The following EIF4G2 variants were observed in gnomAD, a reference collection of about 807,000 sequenced individuals.
EIF4G2 encodes the protein DAP-5.
Under a neutral mutation model 117.7 loss-of-function variants are expected in EIF4G2, and 8 were observed. That is an observed-to-expected ratio of 0.07 (90% confidence interval 0.04 to 0.12). The LOEUF (loss-of-function observed/expected upper bound fraction) is 0.12. Among genes scored for constraint, EIF4G2 ranks in the 10% least tolerant of loss-of-function variants. The pLI is 1.00. For missense variants in EIF4G2, 812 were observed against 1,086.2 expected (o/e 0.75, Z 3.55); for synonymous variants, 413 against 367.8 (o/e 1.12, Z -1.41).
At chr11:10,801,481 CAT>C (rs1441240213) in intron 14 of EIF4G2, 178 bp downstream of exon 14, 2 of 767,546 alleles carry the variant, frequency 2.6e-6, no homozygotes, top group Non-Finnish European at 4.6e-6. Flanking sequence ...CCTCATATCT[CAT>C]AATCTTCGCT....
chr11:10,800,487 G>C lies in EIF4G2; in HGVS notation c.1805C>G (p.Ser602Cys). ...TTCCTGTTTGAGTAAACTGATCAAAGAACTTGCTTTTTCTTTATCTTCATC... is the reference window on the plus strand; with the variant it reads ...TTCCTGTTTGAGTAAACTGATCAAACAACTTGCTTTTTCTTTATCTTCATC... The change falls in exon 17 of 22, where the codon TCT becomes TGT. Residue 602 changes from serine to cysteine, a missense_variant. This residue lies in a region of EIF4G2 where 571 missense variants were observed against 642.3 expected (regional missense o/e 0.89). Transcript: ENST00000339995. 6.2e-7 allele frequency: 1 copy of C among 1,614,126 alleles called. No individual in the cohort carries two copies. The highest frequency in any genetic ancestry group is 8.5e-7 in the Non-Finnish European group (1 of 1,180,016).
rs145064111 is a variant in EIF4G2, at chr11:10,800,992, T to C, written c.1509A>G (p.Pro503=). ...CCAGAGGTGGTGTTTGAGTGCGTGG[T>C]GGTTGTGCACTAGGAGGAATCATAG... The change falls in exon 15 of 22, where the codon CCA becomes CCG. Residue 503 remains proline (P), a synonymous_variant. Coordinates refer to ENST00000339995, the MANE Select transcript of EIF4G2 (RefSeq NM_001418.4). The C allele has an allele frequency of 1.2e-4, 186 of 1,614,212 alleles. 1 individual carries two copies. In the African/African-American group the frequency reaches 2.2e-3, roughly 19 times the overall value.
chr11:10,808,625 T>G (rs992898774), intron 1 of EIF4G2, 80 bp downstream of exon 1: 9 of 524,074 alleles, frequency 1.7e-5, no homozygotes, highest in Non-Finnish European at 2.4e-5. Context: ...GCCGCCATTT[T>G]GTACCACTCG....
Position 10,797,897 on chromosome 11 carries a change from T to C in EIF4G2, c.2659-16A>G. The C allele has an allele frequency of 6.2e-7, 1 of 1,611,818 alleles. No individual in the cohort carries two copies. The highest frequency in any genetic ancestry group is 8.5e-7 in the Non-Finnish European group (1 of 1,178,808). On this transcript the variant is annotated splice_polypyrimidine_tract_variant and intron_variant, in intron 21 of 21. Coordinates refer to ENST00000339995, the MANE Select transcript of EIF4G2 (RefSeq NM_001418.4). This position sits in a 1 kb window ranked among gnomAD's most constrained non-coding sequence, Gnocchi z 4.5. ...ACTGATTCACCTATAAATTAAGATTTGTAAATTAAAATAGTTCATGATATA... is the reference window on the plus strand; with the variant it reads ...ACTGATTCACCTATAAATTAAGATTCGTAAATTAAAATAGTTCATGATATA...
rs746946160 is a variant in EIF4G2, at chr11:10,807,345, G to A, written c.-50C>T. On this transcript the variant is annotated 5_prime_UTR_variant, in exon 2 of 22. Coordinates refer to ENST00000339995, the MANE Select transcript of EIF4G2 (RefSeq NM_001418.4). Reference sequence around the variant, plus strand: ...CTTCAAAAGAATAATATTAATAGATGGGGTGGGGAGGGGAGGGGACAGGAG... The same window carrying A: ...CTTCAAAAGAATAATATTAATAGATAGGGTGGGGAGGGGAGGGGACAGGAG... 5.6e-6 allele frequency: 9 copies of A among 1,611,088 alleles called. No homozygotes were observed. Among genetic ancestry groups the A allele is most frequent in the South Asian group, 3.3e-5 (3 of 90,698 alleles).
chr11:10,808,155 TC>T (rs567780427), intron 1 of EIF4G2: 11 of 1,096,676 alleles, frequency 1.0e-5, no homozygotes, highest in African/African-American at 1.7e-5. Flanking sequence ...GCACCATAAA[TC>T]CCCCCGGGAC....
Position 10,801,839 on chromosome 11 carries a change from A to G in EIF4G2, c.1300-65T>C. ...GGTCCACAAATTATGGTAATCAAGTACCAAAGGGATGAGCCAAGCCATAAA... is the reference window on the plus strand; with the variant it reads ...GGTCCACAAATTATGGTAATCAAGTGCCAAAGGGATGAGCCAAGCCATAAA... On this transcript the variant is annotated intron_variant, in intron 13 of 21. Transcript: ENST00000339995. 2 of 1,481,058 alleles carry G rather than the reference A, an allele frequency of 1.4e-6. 1 individual carries two copies. The highest frequency in any genetic ancestry group is 2.4e-5 in the South Asian group (2 of 84,468). 91.7% of individuals were successfully genotyped at this position (1,481,058 alleles called of 1,614,324 possible).
chr11:10,806,888 AT>A lies in EIF4G2; in HGVS notation c.42-4del, dbSNP rs1564985624. On this transcript the variant is annotated splice_polypyrimidine_tract_variant and splice_region_variant and intron_variant, in intron 2 of 21. Transcript: ENST00000339995. ...TTCCTCCTCCGCCCGAAGAAGCACT[AT>A]TTAAAAGAAAAAAATTGTTTACTGT... is the stretch of plus-strand genomic sequence containing the variant. The A allele has an allele frequency of 2.5e-6, 4 of 1,613,980 alleles. No individual in the cohort carries two copies. In the East Asian group the frequency reaches 8.9e-5, roughly 36 times the overall value.
chr11:10,807,935 T>G (rs1361404432), intron 1 of EIF4G2: 1 of 1,012,564 alleles, frequency 9.9e-7, no homozygotes, highest in East Asian at 1.1e-4. Context: ...CCGCCCCGTT[T>G]TTCCCTTCCT....
At chr11:10,807,775 C>A (rs1847626763) in intron 1 of EIF4G2, 4 of 991,398 alleles carry the variant, frequency 4.0e-6, no homozygotes, top group South Asian at 8.9e-5. Context: ...GATGAGGTCT[C>A]TCCGAAAGCT....
rs1413432288 is a variant in EIF4G2 at position 10,797,563 on chromosome 11, T to C, written c.*253A>G. ...TAGACTGCCTCTGCTTGAGAACTTA[T>C]GATGTAATTATTGCATGCTGCTAAT... On this transcript the variant is annotated 3_prime_UTR_variant, in exon 22 of 22. Transcript: ENST00000339995. This position sits in a 1 kb window ranked among gnomAD's most constrained non-coding sequence, Gnocchi z 4.5. 5 of 447,486 alleles carry C rather than the reference T, an allele frequency of 1.1e-5. No individual in the cohort carries two copies. Among genetic ancestry groups the C allele is most frequent in the Non-Finnish European group, 1.6e-5 (4 of 249,876 alleles). The allele number at this position is 447,486 out of a possible 1,614,324, so 27.7% of individuals were successfully genotyped here. A position where few individuals can be genotyped will look rare whatever the true frequency, so the allele number is the denominator to read the frequency against.
intron 16 of EIF4G2, 34 bp from the exon 17 acceptor site, chr11:10,800,681 C>G: frequency 1.2e-6 from 2 of 1,613,504 alleles, no homozygotes; most frequent in Non-Finnish European, 1.7e-6. Context: ...AATGTATTCT[C>G]TATCTCAAAT....
chr11:10,808,098 G>A (rs1263678864), intron 1 of EIF4G2: 2 of 1,057,538 alleles, frequency 1.9e-6, no homozygotes, highest in African/African-American at 1.7e-5. Context: ...CTCCAAGCAG[G>A]AAGGCGGCCT....
At chr11:10,805,379 G>A (rs931966706) in intron 4 of EIF4G2, among the ~76,000 whole-genome samples, 1 of 152,118 alleles carries the variant, frequency 6.6e-6, no homozygotes, top group East Asian at 1.9e-4. Context: ...AGCATGACAG[G>A]ATTATGGATT....
Position 10,803,318 on chromosome 11 carries a change from T to A in EIF4G2, c.814-24A>T, listed in dbSNP as rs747344562. On this transcript the variant is annotated intron_variant, in intron 9 of 21. Transcript: ENST00000339995. The surrounding 1 kb of genome is among the most constrained non-coding windows in gnomAD (Gnocchi z 4.0). Reference sequence around the variant, plus strand: ...GACTGATAAGAGAAGAATACATTCATTGGAAGAGCTAAAGCAAATGTGTTC... The same window carrying A: ...GACTGATAAGAGAAGAATACATTCAATGGAAGAGCTAAAGCAAATGTGTTC... 29 of 1,608,528 alleles carry A rather than the reference T, an allele frequency of 1.8e-5. No individual in the cohort carries two copies. The highest frequency in any genetic ancestry group is 2.3e-5 in the Non-Finnish European group (27 of 1,177,536).
In EIF4G2 at chr11:10,806,056, T is replaced by TAAA. The variant is rs1564985093; in HGVS notation, c.108-12_108-10dup. On this transcript the variant is annotated splice_polypyrimidine_tract_variant and intron_variant, in intron 3 of 21. Transcript: ENST00000339995. ...TTTTCCCCAGGAACTCGCTGATTAA[T>TAAA]AAAAATCAGCAAAAACACTTATTGT... 1 of 1,614,132 alleles carries TAAA rather than the reference T, an allele frequency of 6.2e-7. No individual in the cohort carries two copies. Among genetic ancestry groups the TAAA allele is most frequent in the Non-Finnish European group, 8.5e-7 (1 of 1,179,986 alleles).
chr11:10,800,925 A>G (rs182687614), intron 15 of EIF4G2, 37 bp downstream of exon 15: 124 of 1,612,650 alleles, frequency 7.7e-5, no homozygotes, highest in Middle Eastern at 3.3e-4. Context: ...AAGTCTTCAG[A>G]TATCTTTAGA....
At chr11:10,802,822 G>A (rs111984005) in intron 11 of EIF4G2, among the ~76,000 whole-genome samples, 1 of 152,194 alleles carries the variant, frequency 6.6e-6, no homozygotes, top group Non-Finnish European at 1.5e-5. Context: ...AATCGAGAAT[G>A]CGCCACTGCA....
chr11:10,803,600 T>A lies in EIF4G2; in HGVS notation c.703-10A>T, dbSNP rs1362346607. ...TCTTCTTTTCCAAAAGCTACAAGAA[T>A]AAAAGGCCATGGTGACAAAGTTTTA... On this transcript the variant is annotated splice_polypyrimidine_tract_variant and intron_variant, in intron 8 of 21. Transcript: ENST00000339995. The surrounding 1 kb of genome is among the most constrained non-coding windows in gnomAD (Gnocchi z 4.0). The A allele has an allele frequency of 3.1e-6, 5 of 1,608,576 alleles. No homozygotes were observed. The highest frequency in any genetic ancestry group is 4.3e-6 in the Non-Finnish European group (5 of 1,176,068).
Sources: allele counts gnomAD v4.1 joint callset (sites outside exome capture counted in the v4.1 genomes callset), GRCh38; gene constraint gnomAD v4.1.1; regional missense constraint gnomAD v4.1.1; non-coding constraint Gnocchi (gnomAD v3.1); transcripts MANE v1.5; gene names NCBI Gene and HGNC (gene_info 2026-07-23, HGNC 2026-07-21).